C2orf76: variants seen among roughly 807,000 people sequenced by gnomAD.
C2orf76 encodes UPF0538 protein C2orf76.
A neutral mutation model predicts 16.9 loss-of-function variants in C2orf76; 23 were observed. That is an observed-to-expected ratio of 1.36 (90% confidence interval 0.98 to 1.93). The LOEUF (loss-of-function observed/expected upper bound fraction) is 1.93. Among genes scored for constraint, C2orf76 ranks in the 30% most tolerant of loss-of-function variants. The pLI is 0.00. For missense variants in C2orf76, 152 were observed against 152.6 expected (o/e 1.00, Z 0.02); for synonymous variants, 48 against 52.3 (o/e 0.92, Z 0.35).
At chr2:119,349,386 C>A (rs1305594035) in intron 1 of C2orf76, among the ~76,000 whole-genome samples, 1 of 152,156 alleles carries the variant, frequency 6.6e-6, no homozygotes, top group African/African-American at 2.4e-5. Flanking sequence ...GAGGGAAAGG[C>A]TAGGAACTTA....
chr2:119,356,583 C>T (rs554497930), intron 1 of C2orf76, among the ~76,000 whole-genome samples: 2 of 151,412 alleles, frequency 1.3e-5, no homozygotes, highest in South Asian at 4.2e-4. Flanking sequence ...TAAGCTCCCA[C>T]CTCAAGAACC....
intron 2 of C2orf76, 116 bp from the exon 3 acceptor site, chr2:119,321,320 A>C: frequency 1.6e-6 from 1 of 611,718 alleles, no homozygotes; most frequent in South Asian, 2.2e-5. Context: ...GAAAAACCTG[A>C]CAGAACACAG....
chr2:119,281,461 T>C, the C2orf76 span, among the ~76,000 whole-genome samples: 1 of 152,104 alleles, frequency 6.6e-6, no homozygotes, highest in Admixed American at 6.6e-5. Flanking sequence ...TGAGCTGCCA[T>C]CCTGCCACTG....
At chr2:119,350,504 T>C (rs2104629484) in intron 1 of C2orf76, among the ~76,000 whole-genome samples, 1 of 152,230 alleles carries the variant, frequency 6.6e-6, no homozygotes, top group South Asian at 2.1e-4. Flanking sequence ...ACAAAGCTCT[T>C]ACAAACAAAG....
At chr2:119,338,608 T>C (rs112761661) in intron 2 of C2orf76, among the ~76,000 whole-genome samples, 11 of 152,306 alleles carry the variant, frequency 7.2e-5, no homozygotes, top group African/African-American at 9.6e-5. Context: ...TATGTGAACC[T>C]GCCCCAGAAA....
intron 1 of C2orf76, 157 bp from the exon 2 acceptor site, chr2:119,340,128 TC>T: frequency 1.4e-6 from 1 of 716,002 alleles, no homozygotes; most frequent in Non-Finnish European, 2.2e-6. Context: ...GGTTCCAGAG[TC>T]CCCAGAAGGG....
chr2:119,322,669 A>G (rs140538261), intron 2 of C2orf76, among the ~76,000 whole-genome samples: 3 of 152,318 alleles, frequency 2.0e-5, no homozygotes, highest in Non-Finnish European at 4.4e-5. Flanking sequence ...TGCCCAAACA[A>G]TGAAAAATAC....
chr2:119,351,080 T>C (rs1455598983), intron 1 of C2orf76, among the ~76,000 whole-genome samples: 2 of 152,232 alleles, frequency 1.3e-5, no homozygotes, highest in Non-Finnish European at 1.5e-5. Context: ...CCACTGCTCC[T>C]AGGGGAACTA....
intron 1 of C2orf76, among the ~76,000 whole-genome samples, chr2:119,355,718 G>C (rs1680549515): frequency 6.6e-6 from 1 of 152,108 alleles, no homozygotes; most frequent in South Asian, 2.1e-4. Context: ...AGATGGGACA[G>C]TTTCAACCCA....
At chr2:119,341,436 A>G (rs1680027271) in intron 1 of C2orf76, among the ~76,000 whole-genome samples, 1 of 152,254 alleles carries the variant, frequency 6.6e-6, no homozygotes, top group African/African-American at 2.4e-5. Flanking sequence ...CATCTCATAC[A>G]GAAAAAGTGA....
intron 5 of C2orf76, among the ~76,000 whole-genome samples, chr2:119,309,852 T>C (rs963842561): frequency 1.3e-5 from 2 of 152,242 alleles, no homozygotes; most frequent in Non-Finnish European, 2.9e-5. Flanking sequence ...CTTTATGGCT[T>C]CTGTCTTTGA....
At chr2:119,336,261 C>G (rs1045382216) in intron 2 of C2orf76, among the ~76,000 whole-genome samples, 6 of 151,886 alleles carry the variant, frequency 4.0e-5, no homozygotes, top group African/African-American at 1.5e-4. Flanking sequence ...GGCATAGTGG[C>G]GCACACCTGT....
At chr2:119,300,557 G>A (rs1301068529), downstream of C2orf76, among the ~76,000 whole-genome samples, 1 of 152,078 alleles carries the variant, frequency 6.6e-6, no homozygotes, top group Non-Finnish European at 1.5e-5. Context: ...TTACACTCCT[G>A]TATAGATGCT....
the C2orf76 span, among the ~76,000 whole-genome samples, chr2:119,282,081 G>A: frequency 6.6e-6 from 1 of 152,060 alleles, no homozygotes; most frequent in Admixed American, 6.5e-5. Context: ...AGGAGGTGGA[G>A]GTTGCAGGGA....
At chr2:119,300,464 G>A (rs1051879081), downstream of C2orf76, among the ~76,000 whole-genome samples, 1 of 152,012 alleles carries the variant, frequency 6.6e-6, no homozygotes, top group Admixed American at 6.6e-5. Context: ...ACTAGATACC[G>A]TTCTAACTCC....
At chr2:119,299,568 C>A (rs150688232), downstream of C2orf76, among the ~76,000 whole-genome samples, 76 of 152,278 alleles carry the variant, frequency 5.0e-4, 1 homozygote, top group African/African-American at 1.8e-3. Context: ...CAGGTGTCAG[C>A]AGGGCTCTGC....
intron 1 of C2orf76, among the ~76,000 whole-genome samples, chr2:119,362,274 C>T (rs1209787407): frequency 1.3e-5 from 2 of 152,134 alleles, no homozygotes; most frequent in African/African-American, 2.4e-5. Context: ...AGTAAGACTT[C>T]GAATCAACAG....
chr2:119,340,802 A>AC (rs1680003574), intron 1 of C2orf76, among the ~76,000 whole-genome samples: 1 of 146,920 alleles, frequency 6.8e-6, no homozygotes, highest in African/African-American at 2.5e-5. Flanking sequence ...ACACACACAC[A>AC]AATTGGAAAA....
At chr2:119,366,527 G>A (rs1320205169) in intron 1 of C2orf76, 4 of 471,156 alleles carry the variant, frequency 8.5e-6, no homozygotes, top group African/African-American at 8.0e-5. Flanking sequence ...CCATCTCCGG[G>A]GGTCTCCTCT....
Sources: allele counts gnomAD v4.1 joint callset (sites outside exome capture counted in the v4.1 genomes callset), GRCh38; gene constraint gnomAD v4.1.1; transcripts MANE v1.5; gene names NCBI Gene and HGNC (gene_info 2026-07-23, HGNC 2026-07-21).